The following AKAP6 variants were observed in gnomAD, a reference collection of about 807,000 sequenced individuals.
The protein encoded by AKAP6 is A-kinase anchor protein 6.
Under a neutral mutation model 188.5 loss-of-function variants are expected in AKAP6, and 58 were observed. The observed-to-expected ratio is 0.31, with a 90% confidence interval of 0.25 to 0.38. The LOEUF (loss-of-function observed/expected upper bound fraction) is 0.38. Among genes scored for constraint, AKAP6 ranks in the 10% least tolerant of loss-of-function variants. AKAP6 has a pLI of 1.00. For missense variants in AKAP6, 2,710 were observed against 2,740.0 expected, an observed-to-expected ratio of 0.99 and a Z score of 0.24; for synonymous variants, 989 against 998.6, an observed-to-expected ratio of 0.99 and a Z score of 0.18.
intron 7 of AKAP6, among the ~76,000 whole-genome samples, chr14:32,619,670 C>G (rs1886732953): frequency 6.6e-6 from 1 of 151,832 alleles, no homozygotes; most frequent in Admixed American, 6.6e-5. Context: ...TCTTTGGTTC[C>G]CTTTGAATTT....
chr14:32,605,674 G>T (rs146703227), intron 7 of AKAP6, among the ~76,000 whole-genome samples: 20 of 152,238 alleles, frequency 1.3e-4, no homozygotes, highest in African/African-American at 4.8e-4. Context: ...GCTGGATTTG[G>T]CTTCTTAGCC....
At position 32,732,494 on chromosome 14, in the gene AKAP6, C is replaced by G; in HGVS notation, c.3041C>G (p.Thr1014Arg). The change falls in exon 10 of 14, where the codon ACG becomes AGG. Residue 1014 changes from threonine (T) to arginine (R), a missense_variant. Around this residue, in one of 2 missense-constraint regions of AKAP6, gnomAD observed 2,473 missense variants for 2,426.1 expected, o/e 1.02. Coordinates refer to ENST00000280979, the MANE Select transcript of AKAP6 (RefSeq NM_004274.5). ...ATGTCCATCAGACACCTGAAAAAGACGGAGCTGCTTAGTAAGGTTGAAGCT... is the reference window on the plus strand; with the variant it reads ...ATGTCCATCAGACACCTGAAAAAGAGGGAGCTGCTTAGTAAGGTTGAAGCT... ...VEMSIRHLKKTELLSKVEALK... is the reference protein window; with the variant it reads ...VEMSIRHLKKRELLSKVEALK... 1 of 1,613,318 alleles carries G rather than the reference C, an allele frequency of 6.2e-7. No homozygotes were observed. Among genetic ancestry groups the G allele is most frequent in the South Asian group, 1.1e-5 (1 of 91,042 alleles).
At chr14:32,658,955 A>G (rs1888570198) in intron 7 of AKAP6, among the ~76,000 whole-genome samples, 1 of 152,012 alleles carries the variant, frequency 6.6e-6, no homozygotes, top group Non-Finnish European at 1.5e-5. Flanking sequence ...TCTGTTTTGT[A>G]TTATAGTTAG....
rs1050076636 is a variant in AKAP6 at position 32,586,552 on chromosome 14, G to A, written c.2469+9310G>A. Among the ~76,000 whole-genome samples the A allele has an allele frequency of 5.3e-5, 8 of 152,258 alleles. No individual in the cohort carries two copies. The South Asian group carries it at 6.2e-4, about 12-fold the overall frequency. ...TGAGGCATGAGAATTTCTTGAACCC[G>A]GAAGGCAGAGGTTGCAGAGGTTGAG... On this transcript the variant is annotated intron_variant, in intron 5 of 13. Transcript: ENST00000280979.
At chr14:32,351,472 G>A (rs1426221767) in intron 1 of AKAP6, among the ~76,000 whole-genome samples, 1 of 151,330 alleles carries the variant, frequency 6.6e-6, no homozygotes, top group Non-Finnish European at 1.5e-5. Context: ...TGAGGCAGGA[G>A]AATCGCTTGA....
intron 2 of AKAP6, among the ~76,000 whole-genome samples, chr14:32,529,017 A>C (rs1882272841): frequency 6.6e-6 from 1 of 152,138 alleles, no homozygotes; most frequent in South Asian, 2.1e-4. Context: ...TATCTATAAA[A>C]TAACTTTCTG....
At chr14:32,673,546 C>T (rs1056048027) in intron 7 of AKAP6, among the ~76,000 whole-genome samples, 3 of 152,018 alleles carry the variant, frequency 2.0e-5, no homozygotes, top group Admixed American at 2.0e-4. Context: ...ACCAGCCTGG[C>T]CAACATGGTG....
chr14:32,410,185 A>G (rs529442878), intron 1 of AKAP6, among the ~76,000 whole-genome samples: 11 of 151,938 alleles, frequency 7.2e-5, no homozygotes, highest in Non-Finnish European at 1.5e-4. Flanking sequence ...GAGATAATCA[A>G]CTAAGAGTCA....
intron 7 of AKAP6, among the ~76,000 whole-genome samples, chr14:32,648,380 A>T (rs1888069178): frequency 6.6e-6 from 1 of 152,156 alleles, no homozygotes; most frequent in Non-Finnish European, 1.5e-5. Context: ...TGTTAATAAT[A>T]GCGGTGATCA....
chr14:32,650,589 C>G (rs1198817984), intron 7 of AKAP6, among the ~76,000 whole-genome samples: 1 of 151,946 alleles, frequency 6.6e-6, no homozygotes, highest in Non-Finnish European at 1.5e-5. Context: ...CCAGCGTGGG[C>G]AACAGAGTGA....
chr14:32,401,154 G>A (rs1279780732), intron 1 of AKAP6, among the ~76,000 whole-genome samples: 1 of 152,204 alleles, frequency 6.6e-6, no homozygotes, highest in Non-Finnish European at 1.5e-5. Flanking sequence ...TATAGGGGCA[G>A]AGCCAGGAGA....
intron 2 of AKAP6, among the ~76,000 whole-genome samples, chr14:32,453,646 G>C (rs1891019702): frequency 7.8e-6 from 1 of 128,006 alleles, no homozygotes; most frequent in Non-Finnish European, 1.6e-5. Context: ...GCCCAGGCGG[G>C]AGTGCAGTGG....
At chr14:32,613,769 T>C (rs772128579) in intron 7 of AKAP6, among the ~76,000 whole-genome samples, 5 of 152,158 alleles carry the variant, frequency 3.3e-5, no homozygotes, top group Non-Finnish European at 7.4e-5. Context: ...GATCACACAT[T>C]GTTCCTCTTC....
chr14:32,440,045 T>TA (rs1194749206), intron 2 of AKAP6, among the ~76,000 whole-genome samples: 1 of 152,182 alleles, frequency 6.6e-6, no homozygotes, highest in Non-Finnish European at 1.5e-5. Context: ...AATAAAGAGC[T>TA]AAACAATGAA....
At chr14:32,722,025 C>T (rs993939076) in intron 9 of AKAP6, among the ~76,000 whole-genome samples, 5 of 152,126 alleles carry the variant, frequency 3.3e-5, no homozygotes, top group African/African-American at 1.2e-4. Flanking sequence ...CATTTGACCC[C>T]CAGTCTGACC....
chr14:32,428,816 C>T (rs1266474644), intron 1 of AKAP6, among the ~76,000 whole-genome samples: 2 of 152,076 alleles, frequency 1.3e-5, no homozygotes, highest in South Asian at 2.1e-4. Flanking sequence ...TGTTAGTAAG[C>T]CATCCATGGC....
chr14:32,385,825 G>A (rs1047761794), intron 1 of AKAP6, among the ~76,000 whole-genome samples: 15 of 149,294 alleles, frequency 1.0e-4, no homozygotes, highest in African/African-American at 3.7e-4. Flanking sequence ...TCCTATATAT[G>A]GTGATATATA....
At chr14:32,437,740 G>A (rs914396277) in intron 2 of AKAP6, among the ~76,000 whole-genome samples, 1 of 152,084 alleles carries the variant, frequency 6.6e-6, no homozygotes, top group Non-Finnish European at 1.5e-5. Flanking sequence ...GAGACTACAA[G>A]TGCATGCCAC....
At chr14:32,681,677 ATT>A (rs34833229) in intron 8 of AKAP6, among the ~76,000 whole-genome samples, 41 of 138,140 alleles carry the variant, frequency 3.0e-4, no homozygotes, top group Non-Finnish European at 3.2e-4. Context: ...AATTTGACAA[ATT>A]TTTTTTTTTT....
Sources: gnomAD v4.1 joint callset for allele counts (sites outside exome capture counted in the v4.1 genomes callset) on GRCh38, gnomAD v4.1.1 for gene constraint, gnomAD v4.1.1 regional missense constraint, MANE v1.5 for transcripts, NCBI Gene and HGNC (gene_info 2026-07-23, HGNC 2026-07-21) for gene names.